CD163L1: variants seen among roughly 807,000 people sequenced by gnomAD.
The protein encoded by CD163L1 is CD163 molecule like 1, also known as scavenger receptor cysteine-rich type 1 protein M160.
Under a neutral mutation model 165.4 loss-of-function variants are expected in CD163L1, and 124 were observed. That is an observed-to-expected ratio of 0.75 (90% CI 0.65 to 0.87). CD163L1 has a LOEUF of 0.87. Ranked by LOEUF, CD163L1 falls within the 40% of genes least tolerant of loss-of-function variation. CD163L1 has a pLI of 0.00. For missense variants in CD163L1, 1,525 were observed against 1,799.9 expected (o/e 0.85, Z 2.76); for synonymous variants, 585 against 662.2 (o/e 0.88, Z 1.79).
At chr12:7,421,403 TCTTCCAA>T (rs1565809715) in intron 4 of CD163L1, among the ~76,000 whole-genome samples, 1 of 64,932 alleles carries the variant, frequency 1.5e-5, no homozygotes, top group East Asian at 6.6e-4. Context: ...TGTATATATA[TCTTCCAA>T]ATGTATATAT....
intron 19 of CD163L1, among the ~76,000 whole-genome samples, 200 bp from the exon 20 acceptor site, chr12:7,355,330 A>G (rs1946752884): frequency 6.6e-6 from 1 of 152,116 alleles, no homozygotes; most frequent in South Asian, 2.1e-4. Context: ...ATATTATGCA[A>G]TTTTCTTTCT....
chr12:7,371,029 A>T (rs1401390911), intron 14 of CD163L1, among the ~76,000 whole-genome samples: 1 of 152,176 alleles, frequency 6.6e-6, no homozygotes, highest in Non-Finnish European at 1.5e-5. Context: ...ATAGTGAATA[A>T]GTCTCACAAG....
intron 8 of CD163L1, among the ~76,000 whole-genome samples, chr12:7,392,667 T>C (rs954960076): frequency 6.6e-6 from 1 of 152,108 alleles, no homozygotes; most frequent in Admixed American, 6.5e-5. Flanking sequence ...ACAAAATTGA[T>C]AGACCGCTAC....
At chr12:7,422,271 A>G (rs770545388) in intron 4 of CD163L1, among the ~76,000 whole-genome samples, 5 of 152,174 alleles carry the variant, frequency 3.3e-5, no homozygotes, top group Non-Finnish European at 5.9e-5. Context: ...GTCCACACAG[A>G]AACCCCATGC....
At chr12:7,433,023 C>G (rs1948655418) in intron 3 of CD163L1, among the ~76,000 whole-genome samples, 1 of 151,866 alleles carries the variant, frequency 6.6e-6, no homozygotes, top group Non-Finnish European at 1.5e-5. Flanking sequence ...TGTTAGTGTA[C>G]CTGGTACATG....
chr12:7,421,612 CAT>C (rs1392236456), intron 4 of CD163L1, among the ~76,000 whole-genome samples: 5 of 4,072 alleles, frequency 1.2e-3, no homozygotes, highest in Non-Finnish European at 4.3e-3. Flanking sequence ...TACACATATA[CAT>C]ATATGTACAT....
Position 7,368,589 on chromosome 12 carries a change from C to T in CD163L1, c.4072+344G>A, listed in dbSNP as rs1278487006. Among the ~76,000 whole-genome samples, 1 of 150,298 alleles carries T rather than the reference C, an allele frequency of 6.7e-6. No individual in the cohort carries two copies. The highest frequency in any genetic ancestry group is 2.5e-5 in the African/African-American group (1 of 40,694). On this transcript the variant is annotated intron_variant, in intron 16 of 19. Transcript: ENST00000313599. The surrounding 1 kb of genome is among the most constrained non-coding windows in gnomAD (Gnocchi z 4.3). ...GTCACCCAGGCTGAGTGTACTGGCA[C>T]GATCTCGGCTCACTGCAATCTCTGC...
the CD163L1 span, chr12:7,326,845 ACCT>A: frequency 9.9e-7 from 1 of 1,005,238 alleles, no homozygotes; most frequent in South Asian, 2.0e-5. Flanking sequence ...TTCAGAGGTA[ACCT>A]CTGGCATTTG....
chr12:7,419,576 T>C (rs1186168020), intron 4 of CD163L1, among the ~76,000 whole-genome samples: 1 of 152,026 alleles, frequency 6.6e-6, no homozygotes, highest in Non-Finnish European at 1.5e-5. Flanking sequence ...CTGTTGTTGC[T>C]TGCTGATATG....
Position 7,393,706 on chromosome 12 carries a change from T to G in CD163L1, c.2050+2389A>C, listed in dbSNP as rs190371033. On this transcript the variant is annotated intron_variant, in intron 8 of 19. Transcript: ENST00000313599. ...TCAGCCCAAAATCTCCTTAAACTGA[T>G]AAGCAACTTCAGCAAAGTCTCAGGA... is the stretch of plus-strand genomic sequence containing the variant. 1.2e-3 allele frequency among the ~76,000 whole-genome samples: 181 copies of G among 152,278 alleles called. No individual in the cohort carries two copies. The South Asian group carries it at 0.012, about 10-fold the overall frequency.
chr12:7,319,628 C>T, the CD163L1 span, among the ~76,000 whole-genome samples: 20 of 151,426 alleles, frequency 1.3e-4, no homozygotes, highest in East Asian at 1.9e-3. Flanking sequence ...GATGAAGCTT[C>T]GCTCACCTTG....
At chr12:7,433,804 ACT>A (rs1199050359) in intron 2 of CD163L1, 110 bp from the exon 3 acceptor site, 1 of 802,054 alleles carries the variant, frequency 1.2e-6, no homozygotes, top group Non-Finnish European at 1.9e-6. Context: ...TGTTATTAGA[ACT>A]TATAGTAGAG....
chr12:7,421,477 A>G lies in CD163L1; in HGVS notation c.766+10939T>C, dbSNP rs1266046078. ...TGTACATATATACATATATATACAT[A>G]TATGTACATATATACATATATGTAC... On this transcript the variant is annotated intron_variant, in intron 4 of 19. Transcript: ENST00000313599. Among the ~76,000 whole-genome samples the G allele has an allele frequency of 1.9e-4, 21 of 107,790 alleles. 1 individual carries two copies. Among genetic ancestry groups the G allele is most frequent in the Non-Finnish European group, 3.5e-4 (20 of 56,756 alleles). 70.7% of individuals were successfully genotyped at this position (107,790 alleles called of 152,430 possible). A position where few individuals can be genotyped will look rare whatever the true frequency, so the allele number is the denominator to read the frequency against.
At chr12:7,438,854 A>G in intron 2 of CD163L1, 1 of 1,570,324 alleles carries the variant, frequency 6.4e-7, no homozygotes, top group East Asian at 2.2e-5. Flanking sequence ...TTGGACAGAT[A>G]TAGGCATAAG....
downstream of CD163L1, among the ~76,000 whole-genome samples, chr12:7,343,711 T>C (rs11052107): frequency 0.059 from 8,965 of 152,252 alleles, 375 homozygotes; most frequent in East Asian, 0.16. Context: ...AACTTCAATA[T>C]TGGGGATTAC....
chr12:7,439,923 C>T (rs1391635506), intron 2 of CD163L1: 1 of 1,597,576 alleles, frequency 6.3e-7, no homozygotes. Context: ...CGGCCAACTC[C>T]TCAGTGCTGT....
chr12:7,341,645 T>A, the CD163L1 span, among the ~76,000 whole-genome samples: 5 of 152,152 alleles, frequency 3.3e-5, no homozygotes, highest in Admixed American at 3.3e-4. Flanking sequence ...AATTTTCTTG[T>A]TGTTTCAGGC....
intron 8 of CD163L1, among the ~76,000 whole-genome samples, chr12:7,391,755 A>C (rs936987175): frequency 6.6e-6 from 1 of 152,204 alleles, no homozygotes; most frequent in Non-Finnish European, 1.5e-5. Context: ...GAATGCAAAA[A>C]AGAGCAGGGG....
chr12:7,418,966 C>T (rs1330212514), intron 4 of CD163L1, among the ~76,000 whole-genome samples: 1 of 151,986 alleles, frequency 6.6e-6, no homozygotes, highest in Non-Finnish European at 1.5e-5. Flanking sequence ...AGAATTGATA[C>T]CAATCCTATT....
Sources: gnomAD v4.1 joint callset for allele counts (sites outside exome capture counted in the v4.1 genomes callset) on GRCh38, gnomAD v4.1.1 for gene constraint, Gnocchi (gnomAD v3.1) non-coding constraint, MANE v1.5 for transcripts, NCBI Gene and HGNC (gene_info 2026-07-23, HGNC 2026-07-21) for gene names.